VAV2: variants seen among roughly 807,000 people sequenced by gnomAD.
VAV2 encodes vav guanine nucleotide exchange factor 2.
VAV2 carries 67 observed loss-of-function variants against 132.5 expected under a neutral mutation model. The observed-to-expected ratio is 0.51, with a 90% confidence interval of 0.42 to 0.62. VAV2 has a LOEUF of 0.62. Ranked by LOEUF, VAV2 falls within the 20% of genes least tolerant of loss-of-function variation. The probability of loss-of-function intolerance (pLI) is 0.00; values close to 1 mark genes in which losing one functional copy is unlikely to be tolerated. For missense variants in VAV2, 938 were observed against 1,153.6 expected (o/e 0.81, Z 2.71); for synonymous variants, 492 against 443.5 (o/e 1.11, Z -1.37).
chr9:133,836,820 A>AT (rs999933490), intron 3 of VAV2, among the ~76,000 whole-genome samples: 14 of 152,312 alleles, frequency 9.2e-5, no homozygotes, highest in Admixed American at 2.0e-4. Flanking sequence ...ACCCACCCTA[A>AT]TGGTGAGTGA....
chr9:133,976,523 A>G (rs796625314), intron 1 of VAV2, among the ~76,000 whole-genome samples: 3 of 152,320 alleles, frequency 2.0e-5, no homozygotes, highest in African/African-American at 7.2e-5. Context: ...CATTCCCCAC[A>G]AGGGAGAGGC....
At chr9:133,831,482 A>T (rs1027804483) in intron 4 of VAV2, among the ~76,000 whole-genome samples, 5 of 152,116 alleles carry the variant, frequency 3.3e-5, no homozygotes, top group African/African-American at 1.2e-4. Context: ...GCAACCTGGG[A>T]TCTAGCCTGA....
intron 1 of VAV2, among the ~76,000 whole-genome samples, chr9:133,968,303 C>T (rs1842213060): frequency 6.6e-6 from 1 of 152,094 alleles, no homozygotes; most frequent in African/African-American, 2.4e-5. Context: ...TAAAGTGTCA[C>T]ACATACCCCA....
At chr9:133,915,868 A>G (rs530729305) in intron 2 of VAV2, among the ~76,000 whole-genome samples, 4 of 150,508 alleles carry the variant, frequency 2.7e-5, no homozygotes, top group East Asian at 2.0e-4. Context: ...ATGTACATGT[A>G]CACGCGACCC....
chr9:133,788,656 T>A lies in VAV2; in HGVS notation c.1275-170A>T, dbSNP rs1383025704. On this transcript the variant is annotated intron_variant, in intron 14 of 29. Transcript: ENST00000371850. This position sits in a 1 kb window ranked among gnomAD's most constrained non-coding sequence, Gnocchi z 5.3. ...CTGAGCCTCGGTCAGGTCTCGGCTGTTCCCACACTGCTTCTCCAGGAAGCC... is the reference window on the plus strand; with the variant it reads ...CTGAGCCTCGGTCAGGTCTCGGCTGATCCCACACTGCTTCTCCAGGAAGCC... 6.6e-6 allele frequency among the ~76,000 whole-genome samples: 1 copy of A among 152,040 alleles called. No homozygotes were observed. Among genetic ancestry groups the A allele is most frequent in the Non-Finnish European group, 1.5e-5 (1 of 68,002 alleles).
At position 133,802,927 on chromosome 9, in the gene VAV2, G is replaced by A. The variant is rs1391974659; in HGVS notation, c.836+3154C>T. Reference sequence around the variant, plus strand: ...TTCCCCATCTGGGAAATGGGGGTTAGACAGAGCGGGAGCTGAGGCTTCTTG... The same window carrying A: ...TTCCCCATCTGGGAAATGGGGGTTAAACAGAGCGGGAGCTGAGGCTTCTTG... On this transcript the variant is annotated intron_variant, in intron 9 of 29. Transcript: ENST00000371850. This position sits in a 1 kb window ranked among gnomAD's most constrained non-coding sequence, Gnocchi z 5.8. Among the ~76,000 whole-genome samples the A allele has an allele frequency of 6.6e-6, 1 of 152,214 alleles. No individual in the cohort carries two copies. The highest frequency in any genetic ancestry group is 1.5e-5 in the Non-Finnish European group (1 of 68,038).
At chr9:133,922,607 C>T (rs534124127) in intron 2 of VAV2, among the ~76,000 whole-genome samples, 3 of 152,192 alleles carry the variant, frequency 2.0e-5, no homozygotes, top group South Asian at 2.1e-4. Flanking sequence ...AAAGAATCAT[C>T]GTTCCAACAC....
rs536756032 is a variant in VAV2 at position 133,893,943 on chromosome 9, G to T, written c.322-32511C>A. On this transcript the variant is annotated intron_variant, in intron 2 of 29. Coordinates refer to ENST00000371850, the MANE Select transcript of VAV2 (RefSeq NM_001134398.2). ...TCACAGACCTCTGGAAAGTTCTGTC[G>T]TAATCTCCACCTTACATCTGCAGAA... 7.2e-5 allele frequency among the ~76,000 whole-genome samples: 11 copies of T among 152,270 alleles called. No homozygotes were observed. The South Asian group carries it at 2.3e-3, about 32-fold the overall frequency.
chr9:133,854,324 T>C (rs1292066557), intron 3 of VAV2, among the ~76,000 whole-genome samples: 2 of 152,120 alleles, frequency 1.3e-5, no homozygotes, highest in Admixed American at 1.3e-4. Context: ...CACCCCCATG[T>C]GCACATGTAC....
At chr9:133,813,357 C>A (rs115529951) in intron 4 of VAV2, among the ~76,000 whole-genome samples, 1 of 152,208 alleles carries the variant, frequency 6.6e-6, no homozygotes, top group African/African-American at 2.4e-5. Flanking sequence ...GCAATCCCTG[C>A]GGTACTCAGG....
rs546401525 is a variant in VAV2 at position 133,883,444 on chromosome 9, T to C, written c.322-22012A>G. Among the ~76,000 whole-genome samples, 3 of 152,244 alleles carry C rather than the reference T, an allele frequency of 2.0e-5. No homozygotes were observed. The highest frequency in any genetic ancestry group is 7.2e-5 in the African/African-American group (3 of 41,544). ...AGAGCCGAGTCAGCTGCTGACCTGC[T>C]GCAGCAGCTCAGCCACTTAAAAATT... is the stretch of plus-strand genomic sequence containing the variant. On this transcript the variant is annotated intron_variant, in intron 2 of 29. Coordinates refer to ENST00000371850, the MANE Select transcript of VAV2 (RefSeq NM_001134398.2). This position sits in a 1 kb window ranked among gnomAD's most constrained non-coding sequence, Gnocchi z 4.2.
chr9:133,874,049 G>A (rs1838166111), intron 2 of VAV2, among the ~76,000 whole-genome samples: 1 of 152,192 alleles, frequency 6.6e-6, no homozygotes. Context: ...CCTTTCTGAG[G>A]AGGAGTCACC....
chr9:133,836,261 G>A (rs1836469606), intron 3 of VAV2, among the ~76,000 whole-genome samples: 1 of 152,186 alleles, frequency 6.6e-6, no homozygotes, highest in African/African-American at 2.4e-5. Flanking sequence ...GGGGGGCCAG[G>A]AGCCAGGGAG....
chr9:133,809,180 G>A (rs369799165), intron 6 of VAV2, 42 bp from the exon 7 acceptor site: 108 of 1,564,008 alleles, frequency 6.9e-5, no homozygotes, highest in Middle Eastern at 6.7e-4. Flanking sequence ...CCATGGGCCC[G>A]GCCACCTGCC....
At chr9:133,952,867 C>CA (rs1564494912) in intron 1 of VAV2, among the ~76,000 whole-genome samples, 21 of 89,004 alleles carry the variant, frequency 2.4e-4, no homozygotes, top group South Asian at 3.8e-4. Flanking sequence ...AGCATGGCCC[C>CA]CGGGACACCT....
At chr9:133,795,618 C>G (rs373516086) in intron 12 of VAV2, 50 bp downstream of exon 12, 2 of 1,599,996 alleles carry the variant, frequency 1.3e-6, no homozygotes, top group Admixed American at 1.7e-5. Flanking sequence ...TCCAAGAACA[C>G]GGGCTAAGCC....
chr9:133,876,689 C>T (rs1838280368), intron 2 of VAV2, among the ~76,000 whole-genome samples: 1 of 152,176 alleles, frequency 6.6e-6, no homozygotes, highest in African/African-American at 2.4e-5. Context: ...GGGGGCGGCC[C>T]CAAGGAGTCT....
intron 2 of VAV2, among the ~76,000 whole-genome samples, chr9:133,880,247 C>T (rs1291091095): frequency 1.3e-5 from 2 of 152,172 alleles, no homozygotes; most frequent in African/African-American, 2.4e-5. Context: ...TGTGCCCCAC[C>T]GGAGGAAAGA....
In VAV2 at chr9:133,955,809, TACTCCTCCCC is replaced by T. The variant is rs370314478; in HGVS notation, c.205-16600_205-16591del. On this transcript the variant is annotated intron_variant, in intron 1 of 29. Coordinates refer to ENST00000371850, the MANE Select transcript of VAV2 (RefSeq NM_001134398.2). Reference sequence around the variant, plus strand: ...CCCACTTGCACTCCACTCCCACTCCTACTCCTCCCCACTCCTCCCCACAGCTCTGGCCTCC... The same window carrying T: ...CCCACTTGCACTCCACTCCCACTCCTACTCCTCCCCACAGCTCTGGCCTCC... Among the ~76,000 whole-genome samples, 404 of 44,988 alleles carry T rather than the reference TACTCCTCCCC, an allele frequency of 9.0e-3. 3 individuals are homozygous for T. Among genetic ancestry groups the T allele is most frequent in the African/African-American group, 0.039 (366 of 9,414 alleles). 29.5% of individuals were successfully genotyped at this position (44,988 alleles called of 152,430 possible).
Sources: allele counts gnomAD v4.1 joint callset (sites outside exome capture counted in the v4.1 genomes callset), GRCh38; gene constraint gnomAD v4.1.1; non-coding constraint Gnocchi (gnomAD v3.1); transcripts MANE v1.5; gene names NCBI Gene and HGNC (gene_info 2026-07-23, HGNC 2026-07-21).